The following SPECC1L variants were observed in gnomAD, a reference collection of about 807,000 sequenced individuals.
The protein encoded by SPECC1L is cytospin-A.
In SPECC1L, 40 loss-of-function variants were observed where a neutral mutation model predicts 116.8. That is an observed-to-expected ratio of 0.34 (90% CI 0.27 to 0.45). The LOEUF (loss-of-function observed/expected upper bound fraction) is 0.45, where lower values mean the gene tolerates loss of function less well. Ranked by LOEUF, SPECC1L falls within the 20% of genes least tolerant of loss-of-function variation. The pLI is 1.00. For missense variants in SPECC1L, 1,110 were observed against 1,373.6 expected (o/e 0.81, Z 3.03); for synonymous variants, 504 against 500.6 (o/e 1.01, Z -0.09).
chr22:24,386,741 C>G (rs1356899699), intron 14 of SPECC1L, among the ~76,000 whole-genome samples: 5 of 152,016 alleles, frequency 3.3e-5, no homozygotes, highest in African/African-American at 4.8e-5. Context: ...GTAGCTGGGA[C>G]TACAGGCGCC....
chr22:24,274,716 C>T (rs1309165404), intron 1 of SPECC1L, among the ~76,000 whole-genome samples: 1 of 152,214 alleles, frequency 6.6e-6, no homozygotes, highest in East Asian at 1.9e-4. Context: ...TCTTTCCAAA[C>T]TATTAATCTG....
intron 6 of SPECC1L, 56 bp downstream of exon 6, chr22:24,324,483 A>G: frequency 1.4e-6 from 2 of 1,480,992 alleles, no homozygotes; most frequent in Admixed American, 3.4e-5. Flanking sequence ...ACATGCGGGG[A>G]TAATTTGCAT....
At chr22:24,317,043 C>A (rs567475770) in intron 4 of SPECC1L, among the ~76,000 whole-genome samples, 2 of 119,672 alleles carry the variant, frequency 1.7e-5, no homozygotes, top group Non-Finnish European at 3.8e-5. Flanking sequence ...GGGCTGACCC[C>A]CCCACCTCCC....
At chr22:24,347,316 T>C (rs140277210) in intron 11 of SPECC1L, 140 bp downstream of exon 11, 10 of 680,440 alleles carry the variant, frequency 1.5e-5, no homozygotes, top group African/African-American at 1.4e-4. Context: ...AGTTCACTAG[T>C]AAGTATATCT....
At chr22:24,330,575 C>A in intron 8 of SPECC1L, 144 bp downstream of exon 8, 2 of 876,276 alleles carry the variant, frequency 2.3e-6, no homozygotes, top group Non-Finnish European at 3.7e-6. Context: ...CTTTTCTGGG[C>A]CTCATTTTAT....
intron 13 of SPECC1L, among the ~76,000 whole-genome samples, chr22:24,365,846 C>CTTT (rs202229268): frequency 2.6e-4 from 34 of 130,132 alleles, no homozygotes; most frequent in African/African-American, 7.7e-4. Context: ...GCAGCTGTAT[C>CTTT]TTTTTTTTTT....
chr22:24,309,912 C>T (rs2040428244), intron 3 of SPECC1L, among the ~76,000 whole-genome samples: 1 of 152,138 alleles, frequency 6.6e-6, no homozygotes, highest in African/African-American at 2.4e-5. Context: ...ACTAACATGG[C>T]TCCACGAGTC....
intron 11 of SPECC1L, among the ~76,000 whole-genome samples, chr22:24,358,277 G>A (rs1601603083): frequency 6.6e-6 from 1 of 152,002 alleles, no homozygotes; most frequent in East Asian, 1.9e-4. Flanking sequence ...ACCATGTCCG[G>A]CTAATGTTTT....
chr22:24,345,202 TC>T (rs1469528430), intron 10 of SPECC1L, among the ~76,000 whole-genome samples: 2 of 152,138 alleles, frequency 1.3e-5, no homozygotes, highest in Non-Finnish European at 2.9e-5. Context: ...CCAAAGTAAT[TC>T]AATCGGTAAG....
chr22:24,403,614 C>G (rs1290560915), intron 14 of SPECC1L, among the ~76,000 whole-genome samples: 1 of 152,174 alleles, frequency 6.6e-6, no homozygotes, highest in Non-Finnish European at 1.5e-5. Flanking sequence ...CCTTGGCCCT[C>G]CAGCCCCTCC....
At chr22:24,401,940 C>T (rs2042483252) in intron 14 of SPECC1L, among the ~76,000 whole-genome samples, 1 of 152,180 alleles carries the variant, frequency 6.6e-6, no homozygotes, top group East Asian at 1.9e-4. Context: ...AGAGCAAAGA[C>T]ATGCAGGGCT....
chr22:24,319,696 C>G (rs898735736), intron 4 of SPECC1L, among the ~76,000 whole-genome samples: 2 of 152,180 alleles, frequency 1.3e-5, no homozygotes, highest in Non-Finnish European at 2.9e-5. Flanking sequence ...GCCATGTTCA[C>G]TTCTGCTTCC....
intron 2 of SPECC1L, among the ~76,000 whole-genome samples, chr22:24,301,031 A>G (rs1215552570): frequency 6.6e-6 from 1 of 152,248 alleles, no homozygotes; most frequent in African/African-American, 2.4e-5. Flanking sequence ...AAACCTAGGC[A>G]ATACCATTCA....
intron 6 of SPECC1L, among the ~76,000 whole-genome samples, chr22:24,324,638 T>C (rs2040783159): frequency 6.6e-6 from 1 of 151,806 alleles, no homozygotes; most frequent in Non-Finnish European, 1.5e-5. Flanking sequence ...ATCACTTGAG[T>C]TGAGGAGTTT....
chr22:24,351,502 G>A (rs577335117), intron 11 of SPECC1L, among the ~76,000 whole-genome samples: 4 of 152,268 alleles, frequency 2.6e-5, no homozygotes, highest in East Asian at 1.9e-4. Flanking sequence ...GGTACATGCC[G>A]TCAGTCTATG....
intron 13 of SPECC1L, among the ~76,000 whole-genome samples, chr22:24,368,520 G>A (rs1489824874): frequency 2.0e-5 from 3 of 152,166 alleles, no homozygotes; most frequent in African/African-American, 7.2e-5. Context: ...TCCCCCCATT[G>A]TAGACTTCTT....
At chr22:24,280,576 C>CTT (rs1569401061) in intron 2 of SPECC1L, among the ~76,000 whole-genome samples, 1 of 138,852 alleles carries the variant, frequency 7.2e-6, no homozygotes, top group African/African-American at 2.7e-5. Flanking sequence ...GTTTCAATAA[C>CTT]ATTTTTTTTT....
At chr22:24,354,748 G>GC (rs1391230904) in intron 11 of SPECC1L, among the ~76,000 whole-genome samples, 1 of 148,112 alleles carries the variant, frequency 6.8e-6, no homozygotes, top group East Asian at 2.0e-4. Context: ...TGCAACCTGC[G>GC]CCCCCTGGGT....
At chr22:24,374,936 A>G (rs890000964) in intron 14 of SPECC1L, among the ~76,000 whole-genome samples, 1 of 152,094 alleles carries the variant, frequency 6.6e-6, no homozygotes, top group African/African-American at 2.4e-5. Context: ...CAAATTGACA[A>G]ACCTCTAAGT....
Sources: gnomAD v4.1 joint callset for allele counts (sites outside exome capture counted in the v4.1 genomes callset) on GRCh38, gnomAD v4.1.1 for gene constraint, MANE v1.5 for transcripts, NCBI Gene and HGNC (gene_info 2026-07-23, HGNC 2026-07-21) for gene names.